OPRM1: variants seen among roughly 807,000 people sequenced by gnomAD.
OPRM1 encodes mu-type opioid receptor.
OPRM1 carries 27 observed loss-of-function variants against 31.8 expected under a neutral mutation model. The observed-to-expected ratio is 0.85, with a 90% CI of 0.63 to 1.17. The LOEUF is 1.17. OPRM1 is among the 50% of genes most tolerant of loss of function. The pLI is 0.00. For missense variants in OPRM1, 536 were observed against 511.1 expected (o/e 1.05, Z -0.47); for synonymous variants, 196 against 189.9 (o/e 1.03, Z -0.26).
chr6:154,246,094 C>G (rs1046932775), intron 3 of OPRM1, among the ~76,000 whole-genome samples: 1 of 151,998 alleles, frequency 6.6e-6, no homozygotes, highest in Admixed American at 6.6e-5. Context: ...CCAAACCAAC[C>G]CATTTGATAA....
intron 3 of OPRM1, chr6:154,157,862 A>G: frequency 6.6e-6 from 1 of 152,360 alleles, no homozygotes. Flanking sequence ...AGGTTAAAGC[A>G]CTGCTTTCCT....
At chr6:154,135,139 T>G (rs1798023495), downstream of OPRM1, among the ~76,000 whole-genome samples, 1 of 152,194 alleles carries the variant, frequency 6.6e-6, no homozygotes, top group Non-Finnish European at 1.5e-5. Flanking sequence ...AGAACAGATA[T>G]CTTCCCTTAT....
Position 154,168,612 on chromosome 6 carries a change from TTA to T in OPRM1, c.1164+77142_1164+77143del, listed in dbSNP as rs1474483837. 1.3e-5 allele frequency among the ~76,000 whole-genome samples: 2 copies of T among 152,056 alleles called. No homozygotes were observed. The highest frequency in any genetic ancestry group is 4.8e-5 in the African/African-American group (2 of 41,382). On this transcript the variant is annotated intron_variant, in intron 3 of 3. Transcript: ENST00000337049. The surrounding 1 kb of genome is among the most constrained non-coding windows in gnomAD (Gnocchi z 4.1). ...ATTAATTAATTAATTAATTTTATTATTATTTTTTTTGAGACGGAGTTTTACTG... is the reference window on the plus strand; with the variant it reads ...ATTAATTAATTAATTAATTTTATTATTTTTTTTTGAGACGGAGTTTTACTG...
intron 3 of OPRM1, among the ~76,000 whole-genome samples, chr6:154,239,543 G>A (rs535337065): frequency 5.3e-4 from 81 of 152,208 alleles, no homozygotes; most frequent in African/African-American, 1.7e-3. Flanking sequence ...ATTGTCTTGC[G>A]GTAAACCGGT....
intron 3 of OPRM1, among the ~76,000 whole-genome samples, chr6:154,195,418 A>G (rs1776532730): frequency 6.6e-6 from 1 of 152,118 alleles, no homozygotes; most frequent in African/African-American, 2.4e-5. Context: ...AAGTGCTGGG[A>G]TTACAGGTGT....
At chr6:154,099,317 A>AAGGAAGGG in intron 3 of OPRM1, among the ~76,000 whole-genome samples, 1 of 133,654 alleles carries the variant, frequency 7.5e-6, no homozygotes, top group Non-Finnish European at 1.6e-5. Context: ...GAAAGGAAGG[A>AAGGAAGGG]AGGAAGGAAG....
chr6:154,122,510 C>T lies in OPRM1; in HGVS notation c.*3789C>T, dbSNP rs1797362285. 6.6e-6 allele frequency among the ~76,000 whole-genome samples: 1 copy of T among 152,120 alleles called. No homozygotes were observed. The highest frequency in any genetic ancestry group is 1.5e-5 in the Non-Finnish European group (1 of 68,016). ...AGACCACTGCAAGTAAGGTCTAAGGCAAAAGTAAATTAATGAGTCCAACTC... is the reference window on the plus strand; with the variant it reads ...AGACCACTGCAAGTAAGGTCTAAGGTAAAAGTAAATTAATGAGTCCAACTC... On this transcript the variant is annotated 3_prime_UTR_variant, in exon 4 of 4. Transcript: ENST00000330432.
intron 3 of OPRM1, among the ~76,000 whole-genome samples, chr6:154,234,611 A>G (rs192040193): frequency 6.6e-6 from 1 of 152,332 alleles, no homozygotes; most frequent in Admixed American, 6.5e-5. Flanking sequence ...ACATTACGTC[A>G]TATTTAGGTG....
intron 3 of OPRM1, chr6:154,110,239 C>CAAAAAAA: frequency 1.8e-6 from 1 of 567,684 alleles, no homozygotes; most frequent in South Asian, 2.5e-5. Flanking sequence ...GGTGATATTA[C>CAAAAAAA]AAGAAAAAAA....
Position 154,129,852 on chromosome 6 carries a change from G to GCACACACACACACA in OPRM1, c.*11152_*11165dup, listed in dbSNP as rs59576607. Among the ~76,000 whole-genome samples the GCACACACACACACA allele has an allele frequency of 3.8e-5, 5 of 131,488 alleles. No individual in the cohort carries two copies. Among genetic ancestry groups the GCACACACACACACA allele is most frequent in the African/African-American group, 1.4e-4 (5 of 35,770 alleles). 86.3% of individuals were successfully genotyped at this position (131,488 alleles called of 152,430 possible). A position where few individuals can be genotyped will look rare whatever the true frequency, so the allele number is the denominator to read the frequency against. On this transcript the variant is annotated 3_prime_UTR_variant, in exon 4 of 4. Transcript: ENST00000330432. ...TTACCACCGACACCCTCCCCCCCCAGCACACACACACACACACACACACAC... is the reference window on the plus strand; with the variant it reads ...TTACCACCGACACCCTCCCCCCCCAGCACACACACACACACACACACACACACACACACACACAC...
intron 3 of OPRM1, chr6:154,214,106 G>A (rs1391749139): frequency 8.1e-6 from 6 of 744,644 alleles, no homozygotes; most frequent in Non-Finnish European, 1.4e-5. Flanking sequence ...AAATGCCAAA[G>A]CATGTTTCCT....
intron 3 of OPRM1, among the ~76,000 whole-genome samples, chr6:154,098,775 A>T (rs1793839999): frequency 6.6e-6 from 1 of 152,212 alleles, no homozygotes. Flanking sequence ...TAATTTGGAG[A>T]GTACATTATG....
chr6:154,202,585 C>T (rs1777159642), intron 3 of OPRM1, among the ~76,000 whole-genome samples: 1 of 152,186 alleles, frequency 6.6e-6, no homozygotes, highest in South Asian at 2.1e-4. Context: ...CTTACTCCTG[C>T]TGACTCTACT....
intron 3 of OPRM1, among the ~76,000 whole-genome samples, chr6:154,148,117 C>T (rs568478447): frequency 6.6e-6 from 1 of 152,276 alleles, no homozygotes; most frequent in South Asian, 2.1e-4. Flanking sequence ...ACCACATGAT[C>T]CCATGATTAT....
intron 2 of OPRM1, 96 bp downstream of exon 2, chr6:154,090,274 C>G (rs747167756): frequency 6.6e-6 from 5 of 752,318 alleles, no homozygotes; most frequent in Non-Finnish European, 1.1e-5. Context: ...GCCCCATTGT[C>G]TTAGTCACAT....
chr6:154,191,622 C>T (rs1015110587), intron 3 of OPRM1, among the ~76,000 whole-genome samples: 9 of 151,760 alleles, frequency 5.9e-5, no homozygotes, highest in Admixed American at 4.6e-4. Flanking sequence ...TGCAGTGAGC[C>T]GAGATCACGC....
chr6:154,110,558 A>C (rs1796228730), intron 3 of OPRM1: 1 of 609,364 alleles, frequency 1.6e-6, no homozygotes, highest in East Asian at 3.0e-5. Context: ...ATCCCTTCAC[A>C]AGCAGGAGTT....
At position 154,123,499 on chromosome 6, in the gene OPRM1, G is replaced by C. The variant is rs1436945735; in HGVS notation, c.*4778G>C. Among the ~76,000 whole-genome samples the C allele has an allele frequency of 1.3e-5, 2 of 152,146 alleles. No individual in the cohort carries two copies. The highest frequency in any genetic ancestry group is 2.9e-5 in the Non-Finnish European group (2 of 68,016). ...GTCTTAGCTGTTTACCTAACTGATT[G>C]GTCCTTTTCTTCTCCCTGAAAAGCA... On this transcript the variant is annotated 3_prime_UTR_variant, in exon 4 of 4. Transcript: ENST00000330432.
At chr6:154,133,831 GA>G (rs2128535407), downstream of OPRM1, among the ~76,000 whole-genome samples, 1 of 152,258 alleles carries the variant, frequency 6.6e-6, no homozygotes, top group Admixed American at 6.5e-5. Context: ...TCTCAAGACT[GA>G]CTGCTATTCT....
Sources: allele counts gnomAD v4.1 joint callset (sites outside exome capture counted in the v4.1 genomes callset), GRCh38; gene constraint gnomAD v4.1.1; non-coding constraint Gnocchi (gnomAD v3.1); transcripts MANE v1.5; gene names NCBI Gene and HGNC (gene_info 2026-07-23, HGNC 2026-07-21).